Variants in DPYSL5 observed in about 807,000 individuals in gnomAD.
DPYSL5 encodes the protein dihydropyrimidinase-related protein 5.
A neutral mutation model predicts 58.4 loss-of-function variants in DPYSL5; 9 were observed. The observed-to-expected ratio is 0.15, with a 90% confidence interval of 0.09 to 0.27. The LOEUF (loss-of-function observed/expected upper bound fraction) is 0.27. DPYSL5 is among the 10% of genes least tolerant of loss of function. The pLI is 1.00. For synonymous variants in DPYSL5, 293 were observed against 301.9 expected, an observed-to-expected ratio of 0.97 and a Z score of 0.31; for missense variants, 499 against 770.6, an observed-to-expected ratio of 0.65 and a Z score of 4.17.
chr2:26,897,931 C>T (rs1383104274), intron 1 of DPYSL5, among the ~76,000 whole-genome samples: 3 of 152,034 alleles, frequency 2.0e-5, no homozygotes. Context: ...AAAATAGGAG[C>T]ATGAAGGAAG....
rs756032053 is a variant in DPYSL5, at chr2:26,934,556, G to T, written c.791-22G>T. 2.5e-6 allele frequency: 4 copies of T among 1,609,596 alleles called. No homozygotes were observed. Among genetic ancestry groups the T allele is most frequent in the Non-Finnish European group, 3.4e-6 (4 of 1,178,600 alleles). On this transcript the variant is annotated intron_variant, in intron 7 of 12. Coordinates refer to ENST00000288699, the MANE Select transcript of DPYSL5 (RefSeq NM_020134.4). This position sits in a 1 kb window ranked among gnomAD's most constrained non-coding sequence, Gnocchi z 4.3. ...CAGGTTCGGTGGCTTCCTGGTTATGGTTCTGACCTTTCTTCTTCCAGGGAA... is the reference window on the plus strand; with the variant it reads ...CAGGTTCGGTGGCTTCCTGGTTATGTTTCTGACCTTTCTTCTTCCAGGGAA...
intron 8 of DPYSL5, among the ~76,000 whole-genome samples, chr2:26,936,595 T>C (rs375124076): frequency 5.3e-5 from 8 of 152,120 alleles, no homozygotes; most frequent in African/African-American, 1.9e-4. Context: ...ATTTACATTA[T>C]GTAAATAAAT....
Position 26,888,265 on chromosome 2 carries a change from C to G in DPYSL5, c.-4-10231C>G, listed in dbSNP as rs190433872. 9.9e-4 allele frequency among the ~76,000 whole-genome samples: 115 copies of G among 115,912 alleles called. 1 individual carries two copies. The highest frequency in any genetic ancestry group is 4.8e-3 in the Middle Eastern group (1 of 208). 76.0% of individuals were successfully genotyped at this position (115,912 alleles called of 152,430 possible). A position where few individuals can be genotyped will look rare whatever the true frequency, so the allele number is the denominator to read the frequency against. On this transcript the variant is annotated intron_variant, in intron 1 of 12. Coordinates refer to ENST00000288699, the MANE Select transcript of DPYSL5 (RefSeq NM_020134.4). Reference sequence around the variant, plus strand: ...TCTTTCTTTCTTTCTTTCTTTCTTTCTGTCTTTCTTTCTGTCTTTCTTTCT... The same window carrying G: ...TCTTTCTTTCTTTCTTTCTTTCTTTGTGTCTTTCTTTCTGTCTTTCTTTCT...
At position 26,854,583 on chromosome 2, in the gene DPYSL5, T is replaced by C. The variant is rs550767337; in HGVS notation, c.-5+6329T>C. 2.0e-5 allele frequency among the ~76,000 whole-genome samples: 3 copies of C among 152,316 alleles called. No individual in the cohort carries two copies. In the South Asian group the frequency reaches 6.2e-4, roughly 32 times the overall value. ...GGTGTGAGATTCACAGTTAACTAAA[T>C]AATTTAGCAATAGGCTATCCCATTA... is the stretch of plus-strand genomic sequence containing the variant. On this transcript the variant is annotated intron_variant, in intron 1 of 12. Transcript: ENST00000288699.
intron 6 of DPYSL5, among the ~76,000 whole-genome samples, chr2:26,932,200 AAAGAAAGAAAAGAAAG>A (rs1465215565): frequency 9.7e-4 from 84 of 86,864 alleles, no homozygotes; most frequent in Non-Finnish European, 9.8e-4. Context: ...AGAAAGAAAG[AAAGAAAGAAAAGAAAG>A]AAAGAAAGAA....
chr2:26,940,621 C>T (rs887511938), intron 9 of DPYSL5, among the ~76,000 whole-genome samples: 1 of 151,858 alleles, frequency 6.6e-6, no homozygotes, highest in Non-Finnish European at 1.5e-5. Flanking sequence ...AGCCACCACA[C>T]CCAGCTATAC....
rs111431497 is a variant in DPYSL5, at chr2:26,948,107, A to G, written c.*1112A>G. 1.1e-4 allele frequency: 16 copies of G among 150,972 alleles called. No individual in the cohort carries two copies. The highest frequency in any genetic ancestry group is 1.7e-4 in the African/African-American group (7 of 40,280). The allele number at this position is 150,972 out of a possible 1,614,324, so 9.4% of individuals were successfully genotyped here. ...CACACACACACACACACACACACAC[A>G]CACGCACGGCTTCCTATAACTTCTT... On this transcript the variant is annotated 3_prime_UTR_variant, in exon 13 of 13. Transcript: ENST00000288699.
In DPYSL5 at chr2:26,948,610, G is replaced by A. The variant is rs994687315; in HGVS notation, c.*1615G>A. On this transcript the variant is annotated 3_prime_UTR_variant, in exon 13 of 13. Transcript: ENST00000288699. The stretch of plus-strand genomic sequence containing the variant: ...GCGGTGGCTCACGCCTGTAATCCCA[G>A]CACTTTGGGAGGCCAAGGCGGGTGG... 6.5e-6 allele frequency: 1 copy of A among 152,728 alleles called. No homozygotes were observed. Among genetic ancestry groups the A allele is most frequent in the Non-Finnish European group, 1.5e-5 (1 of 68,496 alleles). The allele number at this position is 152,728 out of a possible 1,614,324, so 9.5% of individuals were successfully genotyped here. A position where few individuals can be genotyped will look rare whatever the true frequency, so the allele number is the denominator to read the frequency against.
intron 6 of DPYSL5, among the ~76,000 whole-genome samples, chr2:26,932,175 GAA>G (rs1230120291): frequency 4.2e-5 from 3 of 71,594 alleles, no homozygotes; most frequent in Non-Finnish European, 6.0e-5. Context: ...AAGAAAGAAA[GAA>G]AGAAAGAAAG....
At chr2:26,855,158 G>A (rs1428111138) in intron 1 of DPYSL5, among the ~76,000 whole-genome samples, 4 of 151,316 alleles carry the variant, frequency 2.6e-5, no homozygotes, top group Admixed American at 6.6e-5. Flanking sequence ...TGCTGGGCGC[G>A]GTGGCTCATG....
intron 2 of DPYSL5, among the ~76,000 whole-genome samples, chr2:26,914,793 T>G (rs937363630): frequency 1.3e-5 from 2 of 152,084 alleles, no homozygotes; most frequent in African/African-American, 4.8e-5. Flanking sequence ...GTCCCTGGGC[T>G]ACTCACCTAC....
intron 1 of DPYSL5, among the ~76,000 whole-genome samples, chr2:26,860,489 A>C (rs1665983393): frequency 6.6e-6 from 1 of 152,188 alleles, no homozygotes; most frequent in Non-Finnish European, 1.5e-5. Flanking sequence ...TATCTATCAA[A>C]ATTAAAACTG....
intron 1 of DPYSL5, among the ~76,000 whole-genome samples, chr2:26,881,559 G>A (rs1297435980): frequency 6.6e-6 from 1 of 152,188 alleles, no homozygotes; most frequent in Non-Finnish European, 1.5e-5. Flanking sequence ...AGTGATGGAG[G>A]TGTCAGGTCC....
At position 26,948,093 on chromosome 2, in the gene DPYSL5, A is replaced by ACACACACACACACACACACACACACG. The variant is rs1181969829; in HGVS notation, c.*1115_*1116insACACACACGCACACACACACACACAC. 1 of 154,904 alleles carries ACACACACACACACACACACACACACG rather than the reference A, an allele frequency of 6.5e-6. No individual in the cohort carries two copies. The highest frequency in any genetic ancestry group is 2.4e-5 in the African/African-American group (1 of 40,976). The allele number at this position is 154,904 out of a possible 1,614,324, so 9.6% of individuals were successfully genotyped here. A position where few individuals can be genotyped will look rare whatever the true frequency, so the allele number is the denominator to read the frequency against. ...TGCCACCACACACACACACACACAC[A>ACACACACACACACACACACACACACG]CACACACACACACACACGCACGGCT... On this transcript the variant is annotated 3_prime_UTR_variant, in exon 13 of 13. Transcript: ENST00000288699.
Position 26,933,419 on chromosome 2 carries a change from C to G in DPYSL5, c.790+86C>G. 7.6e-7 allele frequency: 1 copy of G among 1,312,462 alleles called. No individual in the cohort carries two copies. Among genetic ancestry groups the G allele is most frequent in the Non-Finnish European group, 1.1e-6 (1 of 919,878 alleles). The allele number at this position is 1,312,462 out of a possible 1,614,324, so 81.3% of individuals were successfully genotyped here. A position where few individuals can be genotyped will look rare whatever the true frequency, so the allele number is the denominator to read the frequency against. ...GCCCATTAGCCGTGCTCACTCCTGGCCCCGGCTCCTGAAACCAGGACCTGA... is the reference window on the plus strand; with the variant it reads ...GCCCATTAGCCGTGCTCACTCCTGGGCCCGGCTCCTGAAACCAGGACCTGA... On this transcript the variant is annotated intron_variant, in intron 7 of 12. Transcript: ENST00000288699. This position sits in a 1 kb window ranked among gnomAD's most constrained non-coding sequence, Gnocchi z 4.2.
chr2:26,887,506 A>G (rs566480516), intron 1 of DPYSL5, among the ~76,000 whole-genome samples: 3 of 152,210 alleles, frequency 2.0e-5, no homozygotes, highest in Admixed American at 6.5e-5. Flanking sequence ...TGGGCTTGGC[A>G]TTTCTTTGGC....
intron 2 of DPYSL5, among the ~76,000 whole-genome samples, chr2:26,909,254 A>G (rs1664372314): frequency 1.3e-5 from 2 of 152,170 alleles, no homozygotes; most frequent in Admixed American, 6.6e-5. Context: ...CTGTGGGCCA[A>G]CTACTGTAAG....
chr2:26,867,050 T>C lies in DPYSL5; in HGVS notation c.-5+18796T>C, dbSNP rs1295584236. Among the ~76,000 whole-genome samples the C allele has an allele frequency of 2.0e-5, 3 of 152,026 alleles. 1 individual carries two copies. On this transcript the variant is annotated intron_variant, in intron 1 of 12. Coordinates refer to ENST00000288699, the MANE Select transcript of DPYSL5 (RefSeq NM_020134.4). ...AGCCTGGACTAAAAATTAATGAGACTCTTTGTCTCATCATCTCCTACTAAA... is the reference window on the plus strand; with the variant it reads ...AGCCTGGACTAAAAATTAATGAGACCCTTTGTCTCATCATCTCCTACTAAA...
rs1452578007 is a variant in DPYSL5 at position 26,928,340 on chromosome 2, G to A, written c.669+17G>A. On this transcript the variant is annotated intron_variant, in intron 5 of 12. Coordinates refer to ENST00000288699, the MANE Select transcript of DPYSL5 (RefSeq NM_020134.4). ...CCAGAGGAGGTGAGAAACACTTCCT[G>A]TAGCCTTTGTCAGCGTCTCTCATGT... The A allele has an allele frequency of 1.2e-6, 2 of 1,612,828 alleles. No homozygotes were observed. Among genetic ancestry groups the A allele is most frequent in the Admixed American group, 1.7e-5 (1 of 59,952 alleles).
Sources: allele counts gnomAD v4.1 joint callset (sites outside exome capture counted in the v4.1 genomes callset), GRCh38; gene constraint gnomAD v4.1.1; non-coding constraint Gnocchi (gnomAD v3.1); transcripts MANE v1.5; gene names NCBI Gene and HGNC (gene_info 2026-07-23, HGNC 2026-07-21).